The following BUB1 variants were observed in gnomAD, a reference collection of about 807,000 sequenced individuals.
BUB1 encodes BUB1 mitotic checkpoint serine/threonine kinase, also known as mitotic checkpoint serine/threonine-protein kinase BUB1.
BUB1 carries 84 observed loss-of-function variants against 135.2 expected under a neutral mutation model. The observed-to-expected ratio is 0.62, with a 90% CI of 0.52 to 0.74. The LOEUF (loss-of-function observed/expected upper bound fraction) is 0.74, where lower values mean the gene tolerates loss of function less well. BUB1 is among the 30% of genes least tolerant of loss of function. The probability of loss-of-function intolerance (pLI) is 0.00; values close to 1 mark genes in which losing one functional copy is unlikely to be tolerated. For synonymous variants in BUB1, 403 were observed against 434.4 expected, an observed-to-expected ratio of 0.93 and a Z score of 0.90; for missense variants, 1,162 against 1,288.3, an observed-to-expected ratio of 0.90 and a Z score of 1.50.
In BUB1 at chr2:110,638,053, C is replaced by T; in HGVS notation, c.3169G>A (p.Val1057Ile). The change falls in exon 25 of 25, where the codon GTA becomes ATA. Residue 1057 changes from valine (V) to isoleucine (I), a missense_variant. Coordinates refer to ENST00000302759, the MANE Select transcript of BUB1 (RefSeq NM_004336.5). ...TTGTTAGTATAGTGTTGTTGAAATA[C>T]TTTCTTCAGCTTTTGCCTTAACAAA... ...LDLLRQKLKKVFQQHYTNKIR... is the reference protein window; with the variant it reads ...LDLLRQKLKKIFQQHYTNKIR... The T allele has an allele frequency of 6.2e-7, 1 of 1,612,480 alleles. No individual in the cohort carries two copies. The highest frequency in any genetic ancestry group is 8.5e-7 in the Non-Finnish European group (1 of 1,179,272).
chr2:110,669,581 G>T, intron 5 of BUB1, 28 bp from the exon 6 acceptor site: 3 of 1,418,666 alleles, frequency 2.1e-6, no homozygotes, highest in Non-Finnish European at 3.0e-6. Flanking sequence ...ATAAAATACG[G>T]AGAAATTAAG....
intron 1 of BUB1, among the ~76,000 whole-genome samples, chr2:110,677,576 G>A (rs1314040726): frequency 1.3e-5 from 2 of 152,034 alleles, no homozygotes; most frequent in Non-Finnish European, 2.9e-5. Flanking sequence ...CTTTAAATTC[G>A]TTCCCTACTG....
chr2:110,652,692 C>T (rs1689817649), intron 17 of BUB1, among the ~76,000 whole-genome samples: 1 of 152,156 alleles, frequency 6.6e-6, no homozygotes, highest in South Asian at 2.1e-4. Context: ...TCTCCACATA[C>T]ACCCCCAATC....
At position 110,653,458 on chromosome 2, in the gene BUB1, G is replaced by T; in HGVS notation, c.1942C>A (p.Pro648Thr). 5 of 1,613,802 alleles carry T rather than the reference G, an allele frequency of 3.1e-6. No homozygotes were observed. The highest frequency in any genetic ancestry group is 3.4e-6 in the Non-Finnish European group (4 of 1,179,848). ...TACCTGAATTTTCCATCCCTTGAAG[G>T]CACCACCATGTTTTCCTCACAAGAA... ...LDSCEENMVV[P>T]SRDGKFSPIQ... Residue 648 changes from proline to threonine, a missense_variant, in exon 17 of 25, where the codon CCT becomes ACT. Pro to Thr is a conservative substitution (Grantham distance 38). Coordinates refer to ENST00000302759, the MANE Select transcript of BUB1 (RefSeq NM_004336.5).
At chr2:110,654,616 A>C (rs1304555261) in intron 16 of BUB1, among the ~76,000 whole-genome samples, 1 of 150,056 alleles carries the variant, frequency 6.7e-6, no homozygotes, top group Non-Finnish European at 1.5e-5. Flanking sequence ...CTTTTCCTGG[A>C]TGGAAAAGGC....
chr2:110,675,939 C>A (rs1432320536), intron 1 of BUB1, among the ~76,000 whole-genome samples: 1 of 152,186 alleles, frequency 6.6e-6, no homozygotes, highest in African/African-American at 2.4e-5. Context: ...GCATGAGCCA[C>A]CATGTCCTGC....
Position 110,641,115 on chromosome 2 carries a change from T to G in BUB1, c.2874A>C (p.Lys958Asn), listed in dbSNP as rs112704069. 85 of 1,613,584 alleles carry G rather than the reference T, an allele frequency of 5.3e-5. 4 individuals are homozygous for G. The African/African-American group carries it at 8.3e-4, about 16-fold the overall frequency. ...CACACTTTGCTGTGAATATAGTTCC[T>G]TTTGGAAAAAGTTTCATATCTATAC... Reference protein sequence around the residue: ...GQSIDMKLFPKGTIFTAKCET... With the variant: ...GQSIDMKLFPNGTIFTAKCET... The change falls in exon 23 of 25, where the codon AAA becomes AAC. Residue 958 changes from lysine (K) to asparagine (N), a missense_variant. Transcript: ENST00000302759.
At chr2:110,653,352 A>T in intron 17 of BUB1, 84 bp downstream of exon 17, 1 of 1,435,886 alleles carries the variant, frequency 7.0e-7, no homozygotes. Context: ...TTACAGCCTA[A>T]AAGGCAAAGC....
chr2:110,677,953 A>T lies in BUB1; in HGVS notation c.26+17T>A. On this transcript the variant is annotated intron_variant, in intron 1 of 24. Transcript: ENST00000302759. The stretch of plus-strand genomic sequence containing the variant: ...CCAGCCCCCTGGGCTTCCCCACCCC[A>T]CCAGACGGACACTTACTGAAGGACA... The T allele has an allele frequency of 3.7e-6, 6 of 1,606,702 alleles. No individual in the cohort carries two copies. The highest frequency in any genetic ancestry group is 5.1e-6 in the Non-Finnish European group (6 of 1,176,996).
intron 19 of BUB1, 143 bp from the exon 20 acceptor site, chr2:110,642,377 G>A (rs1689528187): frequency 2.0e-6 from 1 of 506,466 alleles, no homozygotes; most frequent in Non-Finnish European, 3.6e-6. Flanking sequence ...CATAACCATG[G>A]TATATTTGTC....
Position 110,674,131 on chromosome 2 carries a change from C to A in BUB1, c.180G>T (p.Lys60Asn). The A allele has an allele frequency of 6.4e-7, 1 of 1,566,104 alleles. No individual in the cohort carries two copies. The highest frequency in any genetic ancestry group is 8.8e-7 in the Non-Finnish European group (1 of 1,137,594). Residue 60 changes from lysine (K) to asparagine (N), a missense_variant, in exon 3 of 25, where the codon AAG becomes AAT. Lys to Asn is a moderately conservative substitution (Grantham distance 94). Transcript: ENST00000302759. The part of the protein sequence containing the change: ...EHLMKEFLDK[K>N]KYHNDPRFIS... ...TGAATCTTGGGTCATTGTGGTATTT[C>A]TTCTTATCTAAAAATTCCTTCATTA... is the stretch of plus-strand genomic sequence containing the variant.
intron 9 of BUB1, among the ~76,000 whole-genome samples, chr2:110,663,791 G>C (rs1048502422): frequency 6.6e-6 from 1 of 152,156 alleles, no homozygotes; most frequent in African/African-American, 2.4e-5. Context: ...CACTTTGGGG[G>C]GCCAAGGTGG....
chr2:110,650,679 C>T lies in BUB1; in HGVS notation c.2070G>A (p.Glu690=). The T allele has an allele frequency of 6.2e-7, 1 of 1,614,004 alleles. No individual in the cohort carries two copies. Among genetic ancestry groups the T allele is most frequent in the African/African-American group, 1.3e-5 (1 of 75,026 alleles). Residue 690 remains glutamate (E), a synonymous_variant, in exon 18 of 25, where the codon GAG becomes GAA. Coordinates refer to ENST00000302759, the MANE Select transcript of BUB1 (RefSeq NM_004336.5). ...TGCAAGCCTCAACGCCCAACTCTGC[C>T]TCACAGGTAAGTACCCCACCTGCAG... ...QPAAGGVLTC[E]AELGVEACRL... is the part of the protein sequence containing the mutation.
chr2:110,641,755 T>G lies in BUB1; in HGVS notation c.2512A>C (p.Met838Leu). ...TGCATAGATGGCTTTAGTCTTTCCA[T>G]CAACTGGGTCCCAATGTAGAATTCC... ...PWEFYIGTQL[M>L]ERLKPSMQHM... is the part of the protein sequence containing the mutation. The change falls in exon 21 of 25, where the codon ATG becomes CTG. Residue 838 changes from methionine to leucine, a missense_variant. Transcript: ENST00000302759. 1 of 1,610,290 alleles carries G rather than the reference T, an allele frequency of 6.2e-7. No individual in the cohort carries two copies. Among genetic ancestry groups the G allele is most frequent in the South Asian group, 1.1e-5 (1 of 91,068 alleles).
chr2:110,641,035 T>C lies in BUB1; in HGVS notation c.2954A>G (p.Gln985Arg). 6.4e-7 allele frequency: 1 copy of C among 1,567,510 alleles called. No individual in the cohort carries two copies. Among genetic ancestry groups the C allele is most frequent in the Non-Finnish European group, 8.6e-7 (1 of 1,159,868 alleles). ...EMLSNKPWNY[Q>R]IDYFGVAATV... ...AAGTCCCTCACTTTAGTTTTATACCTGGTAGTTCCATGGTTTGTTGCTGAG... is the reference window on the plus strand; with the variant it reads ...AAGTCCCTCACTTTAGTTTTATACCCGGTAGTTCCATGGTTTGTTGCTGAG... The change falls in exon 23 of 25, where the codon CAG (glutamine) becomes CGG (arginine). Residue 985 changes from glutamine to arginine, a missense_variant and splice_region_variant. By Grantham distance (43) the Gln-to-Arg change is conservative. Transcript: ENST00000302759.
rs1408008582 is a variant in BUB1, at chr2:110,678,019, C to T, written c.-24G>A. 1 of 1,599,420 alleles carries T rather than the reference C, an allele frequency of 6.3e-7. No homozygotes were observed. The highest frequency in any genetic ancestry group is 1.3e-5 in the African/African-American group (1 of 74,670). On this transcript the variant is annotated 5_prime_UTR_variant, in exon 1 of 25. Coordinates refer to ENST00000302759, the MANE Select transcript of BUB1 (RefSeq NM_004336.5). ...ATGGCCAGAGGACGCTGGCCGGCAG[C>T]GGCCAAACCTGAACCGCAAACTAGA...
intron 19 of BUB1, chr2:110,642,437 C>A (rs1689529267): frequency 2.9e-6 from 1 of 340,240 alleles, no homozygotes; most frequent in Non-Finnish European, 5.4e-6. Flanking sequence ...CTAAGCTCTA[C>A]ATCTTACTCA....
At position 110,666,694 on chromosome 2, in the gene BUB1, G is replaced by A. The variant is rs191587858; in HGVS notation, c.806-280C>T. On this transcript the variant is annotated intron_variant, in intron 8 of 24. Coordinates refer to ENST00000302759, the MANE Select transcript of BUB1 (RefSeq NM_004336.5). ...GCACAGTATAATAGTAAAGATTTTT[G>A]TAGCCATCATATACATGACTGTTCT... Among the ~76,000 whole-genome samples, 512 of 150,156 alleles carry A rather than the reference G, an allele frequency of 3.4e-3. 4 individuals carry two copies. Among genetic ancestry groups the A allele is most frequent in the Non-Finnish European group, 5.6e-3 (376 of 67,696 alleles).
intron 19 of BUB1, among the ~76,000 whole-genome samples, chr2:110,643,718 C>T (rs747814660): frequency 7.9e-5 from 12 of 152,118 alleles, no homozygotes; most frequent in Non-Finnish European, 1.6e-4. Context: ...TAGCTCACTA[C>T]AGCCTCAAAC....
Sources: gnomAD v4.1 joint callset for allele counts (sites outside exome capture counted in the v4.1 genomes callset) on GRCh38, gnomAD v4.1.1 for gene constraint, MANE v1.5 for transcripts, NCBI Gene and HGNC (gene_info 2026-07-23, HGNC 2026-07-21) for gene names.